Variants in FSIP1 observed in about 807,000 individuals in gnomAD.
FSIP1 encodes the protein fibrous sheath-interacting protein 1.
In FSIP1, 65 loss-of-function variants were observed where a neutral mutation model predicts 60.9. The ratio of observed to expected loss-of-function variants is 1.07; its 90% confidence interval spans 0.87 to 1.31. The LOEUF (loss-of-function observed/expected upper bound fraction) is 1.31. Ranked by LOEUF, FSIP1 falls within the 40% of genes most tolerant of loss-of-function variation. FSIP1 has a pLI of 0.00. For missense variants in FSIP1, 675 were observed against 665.5 expected (o/e 1.01, Z -0.16); for synonymous variants, 209 against 221.2 (o/e 0.94, Z 0.49).
At chr15:39,708,783 T>C (rs1012406667) in intron 10 of FSIP1, among the ~76,000 whole-genome samples, 2 of 152,250 alleles carry the variant, frequency 1.3e-5, no homozygotes, top group African/African-American at 4.8e-5. Flanking sequence ...TATGACACTG[T>C]TGACTCACAC....
At chr15:39,652,526 G>T (rs1762369623) in intron 10 of FSIP1, among the ~76,000 whole-genome samples, 1 of 152,164 alleles carries the variant, frequency 6.6e-6, no homozygotes, top group South Asian at 2.1e-4. Flanking sequence ...TTAATCAAAA[G>T]ATTTCATCTA....
intron 10 of FSIP1, among the ~76,000 whole-genome samples, chr15:39,652,135 T>C (rs561674042): frequency 4.6e-5 from 7 of 152,182 alleles, no homozygotes; most frequent in Non-Finnish European, 8.8e-5. Context: ...ATGACCTCCA[T>C]AGTTCCCTTC....
At chr15:39,685,022 T>C (rs1341132561) in intron 10 of FSIP1, among the ~76,000 whole-genome samples, 1 of 151,974 alleles carries the variant, frequency 6.6e-6, no homozygotes, top group Non-Finnish European at 1.5e-5. Flanking sequence ...GAACCCAGAC[T>C]CCTACAAATC....
intron 10 of FSIP1, among the ~76,000 whole-genome samples, chr15:39,649,929 C>T (rs1892797847): frequency 6.6e-6 from 1 of 152,172 alleles, no homozygotes; most frequent in Non-Finnish European, 1.5e-5. Flanking sequence ...AGTGTCAGGC[C>T]TCGTGCTCAT....
intron 9 of FSIP1, among the ~76,000 whole-genome samples, chr15:39,724,343 C>T (rs1369367658): frequency 2.6e-5 from 4 of 151,982 alleles, no homozygotes; most frequent in Non-Finnish European, 5.9e-5. Context: ...GCTCTGCCTC[C>T]CGAGTTCACG....
At chr15:39,653,175 C>CAA (rs35671970) in intron 10 of FSIP1, among the ~76,000 whole-genome samples, 69,730 of 116,092 alleles carry the variant, frequency 0.6, 20,533 homozygotes, top group Non-Finnish European at 0.71. Context: ...GACTTTGTCT[C>CAA]AAAAAAAAAA....
chr15:39,710,455 A>C (rs1371516588), intron 10 of FSIP1, among the ~76,000 whole-genome samples: 1 of 151,954 alleles, frequency 6.6e-6, no homozygotes, highest in East Asian at 1.9e-4. Flanking sequence ...AAAAAAAAAA[A>C]AAAAAACATA....
chr15:39,663,836 A>G (rs1416680065), intron 10 of FSIP1, among the ~76,000 whole-genome samples: 1 of 152,238 alleles, frequency 6.6e-6, no homozygotes, highest in African/African-American at 2.4e-5. Flanking sequence ...CAGTGATCCT[A>G]TGCTCTATTT....
In FSIP1 at chr15:39,640,058, C is replaced by T. The variant is rs950939654; in HGVS notation, c.1189-21813G>A. On this transcript the variant is annotated intron_variant, in intron 10 of 11. Coordinates refer to ENST00000350221, the MANE Select transcript of FSIP1 (RefSeq NM_152597.5). ...GTTGATGAAATAAATAAATACTTAACGTGTAAAACAATAATTAAATGAATA... is the reference window on the plus strand; with the variant it reads ...GTTGATGAAATAAATAAATACTTAATGTGTAAAACAATAATTAAATGAATA... Among the ~76,000 whole-genome samples, 7 of 152,130 alleles carry T rather than the reference C, an allele frequency of 4.6e-5. No homozygotes were observed. The East Asian group carries it at 7.7e-4, about 17-fold the overall frequency.
At chr15:39,638,803 C>A (rs544179988) in intron 10 of FSIP1, among the ~76,000 whole-genome samples, 4 of 142,030 alleles carry the variant, frequency 2.8e-5, no homozygotes, top group Admixed American at 1.4e-4. Context: ...CATGTGGGTG[C>A]GTGTGTGGGT....
intron 10 of FSIP1, among the ~76,000 whole-genome samples, chr15:39,677,981 C>T (rs111841663): frequency 0.033 from 4,884 of 146,916 alleles, 254 homozygotes; most frequent in African/African-American, 0.11. Flanking sequence ...AGTGACAGAG[C>T]GAGAATTCGT....
At chr15:39,731,855 TG>T in intron 8 of FSIP1, among the ~76,000 whole-genome samples, 1 of 151,962 alleles carries the variant, frequency 6.6e-6, no homozygotes, top group Admixed American at 6.6e-5. Context: ...CTGGTGAGGG[TG>T]GTAGTAGAGA....
intron 10 of FSIP1, among the ~76,000 whole-genome samples, chr15:39,622,394 G>A (rs867004656): frequency 2.0e-5 from 3 of 151,776 alleles, no homozygotes; most frequent in East Asian, 1.9e-4. Context: ...CTTCTTTCTC[G>A]TTTCAGCCAA....
intron 10 of FSIP1, among the ~76,000 whole-genome samples, chr15:39,627,960 G>A (rs193284188): frequency 1.4e-4 from 21 of 152,324 alleles, no homozygotes; most frequent in African/African-American, 5.1e-4. Flanking sequence ...CGTGGGCCTG[G>A]AAGCACAGGG....
At chr15:39,761,908 T>A (rs550096623) in intron 5 of FSIP1, among the ~76,000 whole-genome samples, 1 of 152,242 alleles carries the variant, frequency 6.6e-6, no homozygotes, top group Non-Finnish European at 1.5e-5. Flanking sequence ...ATTATGCTCA[T>A]GCTTCTGTGG....
At chr15:39,604,334 C>T (rs1890747900) in intron 11 of FSIP1, among the ~76,000 whole-genome samples, 1 of 152,194 alleles carries the variant, frequency 6.6e-6, no homozygotes, top group Non-Finnish European at 1.5e-5. Context: ...TTTTACTTTA[C>T]CCAATTTGAA....
intron 5 of FSIP1, among the ~76,000 whole-genome samples, 193 bp from the exon 6 acceptor site, chr15:39,742,093 C>A (rs1198948021): frequency 2.0e-5 from 3 of 152,122 alleles, no homozygotes; most frequent in Non-Finnish European, 4.4e-5. Flanking sequence ...ATACAGGAGC[C>A]AAATGAAACA....
intron 5 of FSIP1, among the ~76,000 whole-genome samples, chr15:39,743,742 T>C (rs960792635): frequency 6.6e-6 from 1 of 152,340 alleles, no homozygotes; most frequent in South Asian, 2.1e-4. Context: ...GTTAACATTG[T>C]GAGCATCAGG....
intron 9 of FSIP1, among the ~76,000 whole-genome samples, chr15:39,719,795 C>T (rs1053143489): frequency 6.6e-6 from 1 of 152,158 alleles, no homozygotes; most frequent in Non-Finnish European, 1.5e-5. Context: ...TGAAGGAAAC[C>T]TTGACTACAT....
Sources: allele counts gnomAD v4.1 joint callset (sites outside exome capture counted in the v4.1 genomes callset), GRCh38; gene constraint gnomAD v4.1.1; transcripts MANE v1.5; gene names NCBI Gene and HGNC (gene_info 2026-07-23, HGNC 2026-07-21).